SYNE3: variants seen among roughly 807,000 people sequenced by gnomAD.
The protein encoded by SYNE3 is nesprin-3.
A neutral mutation model predicts 111.2 loss-of-function variants in SYNE3; 100 were observed. The observed-to-expected ratio is 0.90, with a 90% CI of 0.77 to 1.06. The LOEUF (loss-of-function observed/expected upper bound fraction) is 1.06, where lower values mean the gene tolerates loss of function less well. SYNE3 is among the 50% of genes least tolerant of loss of function. The pLI, the probability that SYNE3 is intolerant of heterozygous loss-of-function variation, is 0.00. For synonymous variants in SYNE3, 547 were observed against 533.9 expected (o/e 1.02, Z -0.34); for missense variants, 1,160 against 1,240.3 (o/e 0.94, Z 0.97).
chr14:95,453,575 G>A (rs1168372691), intron 6 of SYNE3, among the ~76,000 whole-genome samples: 1 of 152,226 alleles, frequency 6.6e-6, no homozygotes, highest in African/African-American at 2.4e-5. Flanking sequence ...ACATAATGAC[G>A]TCTATGAAAG....
At chr14:95,490,098 G>A (rs1408273846) in intron 1 of SYNE3, among the ~76,000 whole-genome samples, 1 of 152,216 alleles carries the variant, frequency 6.6e-6, no homozygotes, top group African/African-American at 2.4e-5. Flanking sequence ...GAAGGTTGTT[G>A]TGAAGGACAA....
At chr14:95,474,757 C>T (rs1888774604) in intron 2 of SYNE3, among the ~76,000 whole-genome samples, 1 of 152,198 alleles carries the variant, frequency 6.6e-6, no homozygotes, top group African/African-American at 2.4e-5. Flanking sequence ...ATCGAGAAGA[C>T]AGCACACACA....
chr14:95,449,440 G>A, intron 8 of SYNE3: 1 of 985,452 alleles, frequency 1.0e-6, no homozygotes, highest in Non-Finnish European at 1.2e-6. Flanking sequence ...TTGTTCATGG[G>A]AGATGCACGT....
In SYNE3 at chr14:95,415,094, T is replaced by C. The variant is rs1903537683; in HGVS notation, c.*2732A>G. On this transcript the variant is annotated 3_prime_UTR_variant, in exon 18 of 18. Transcript: ENST00000682763. ...TGCATACATGCCCAGTGGCTGTTTT[T>C]TTCATGTAGTTGCTGACATGAGCGG... 2 of 152,184 alleles carry C rather than the reference T, an allele frequency of 1.3e-5. No individual in the cohort carries two copies. Among genetic ancestry groups the C allele is most frequent in the African/African-American group, 4.8e-5 (2 of 41,450 alleles). The allele number at this position is 152,184 out of a possible 1,614,324, so 9.4% of individuals were successfully genotyped here.
intron 1 of SYNE3, among the ~76,000 whole-genome samples, chr14:95,479,224 CAAAAAAA>C (rs71132351): frequency 0.019 from 1,620 of 86,270 alleles, 33 homozygotes; most frequent in African/African-American, 0.059. Flanking sequence ...TCGTCTCTAC[CAAAAAAA>C]AAAAAAAAAA....
chr14:95,483,105 G>A (rs1889352762), intron 1 of SYNE3, among the ~76,000 whole-genome samples: 1 of 152,146 alleles, frequency 6.6e-6, no homozygotes, highest in Non-Finnish European at 1.5e-5. Context: ...GAAACCAACT[G>A]AGCCCCCCAG....
intron 2 of SYNE3, among the ~76,000 whole-genome samples, chr14:95,469,936 CT>C (rs534530265): frequency 3.5e-4 from 53 of 152,074 alleles, no homozygotes; most frequent in Non-Finnish European, 6.8e-4. Flanking sequence ...CCCCTCCTAC[CT>C]TTGTTATCAA....
chr14:95,488,362 T>C (rs1889657184), intron 1 of SYNE3, among the ~76,000 whole-genome samples: 2 of 152,236 alleles, frequency 1.3e-5, no homozygotes, highest in Non-Finnish European at 2.9e-5. Flanking sequence ...TTTTTGTTAC[T>C]GAGTACTATT....
intron 1 of SYNE3, among the ~76,000 whole-genome samples, chr14:95,481,836 T>G (rs1889275670): frequency 6.6e-6 from 1 of 152,208 alleles, no homozygotes; most frequent in African/African-American, 2.4e-5. Context: ...TGCAATTTGG[T>G]CTCTGGGGGA....
intron 3 of SYNE3, among the ~76,000 whole-genome samples, chr14:95,466,565 T>C (rs1363426558): frequency 6.6e-6 from 1 of 152,152 alleles, no homozygotes; most frequent in Non-Finnish European, 1.5e-5. Context: ...TCCAGCACCT[T>C]AAATCCTGGC....
chr14:95,449,997 C>A lies in SYNE3; in HGVS notation c.1383G>T (p.Arg461=). The part of the protein sequence containing the change: ...DLQLWKALAQ[R]LLEVTASLPD... ...GCAGGCTGGCAGTGACCTCCAAGAG[C>A]CGCTGGGCCAGGGCCTTCCACAGCT... The change falls in exon 8 of 18, where the codon CGG becomes CGT. Residue 461 remains arginine (R), a synonymous_variant. Coordinates refer to ENST00000682763, the MANE Select transcript of SYNE3 (RefSeq NM_152592.6). 1 of 1,555,234 alleles carries A rather than the reference C, an allele frequency of 6.4e-7. No individual in the cohort carries two copies.
At position 95,440,058 on chromosome 14, in the gene SYNE3, A is replaced by G. The variant is rs1234106312; in HGVS notation, c.1929T>C (p.Cys643=). 27 of 1,604,714 alleles carry G rather than the reference A, an allele frequency of 1.7e-5. No homozygotes were observed. Among genetic ancestry groups the G allele is most frequent in the Middle Eastern group, 1.7e-4 (1 of 5,952 alleles). ...QRSLEDLVDR[C]RQSVQEHCTF... is the part of the protein sequence containing the mutation. ...TGCAGTGCTCCTGCACACTCTGCCGACACCTGTCCACAAGGTCCTGCAGCA... is the reference window on the plus strand; with the variant it reads ...TGCAGTGCTCCTGCACACTCTGCCGGCACCTGTCCACAAGGTCCTGCAGCA... The change falls in exon 12 of 18, where the codon TGT becomes TGC. Residue 643 remains cysteine, a synonymous_variant. Transcript: ENST00000682763.
chr14:95,430,921 C>T (rs1885726972), intron 17 of SYNE3, among the ~76,000 whole-genome samples: 1 of 152,194 alleles, frequency 6.6e-6, no homozygotes, highest in Non-Finnish European at 1.5e-5. Context: ...GGTATTGGGC[C>T]CAGAGCCCAG....
rs1184719253 is a variant in SYNE3, at chr14:95,407,339, C to CA, written c.*10486dup. Reference sequence around the variant, plus strand: ...CATTTTTAAAAACATAAAACAACAGCAAAAACGTCAAACCATCTTTTAGAA... The same window carrying CA: ...CATTTTTAAAAACATAAAACAACAGCAAAAAACGTCAAACCATCTTTTAGAA... On this transcript the variant is annotated 3_prime_UTR_variant, in exon 18 of 18. Transcript: ENST00000682763. 2.0e-5 allele frequency: 3 copies of CA among 152,216 alleles called. No individual in the cohort carries two copies. The highest frequency in any genetic ancestry group is 7.2e-5 in the African/African-American group (3 of 41,528). 9.4% of individuals were successfully genotyped at this position (152,216 alleles called of 1,614,324 possible).
intron 1 of SYNE3, among the ~76,000 whole-genome samples, 160 bp downstream of exon 1, chr14:95,516,436 C>G (rs1021738626): frequency 6.6e-6 from 1 of 152,012 alleles, no homozygotes; most frequent in Non-Finnish European, 1.5e-5. Context: ...GGGCCCCCGC[C>G]CCCGCGCCGG....
chr14:95,487,480 G>A (rs1478315844), intron 1 of SYNE3, among the ~76,000 whole-genome samples: 1 of 152,184 alleles, frequency 6.6e-6, no homozygotes, highest in Non-Finnish European at 1.5e-5. Context: ...TCCCTGAGGA[G>A]GGGTTTGTCA....
intron 1 of SYNE3, among the ~76,000 whole-genome samples, chr14:95,512,797 G>A (rs775280530): frequency 6.6e-6 from 1 of 152,044 alleles, no homozygotes; most frequent in Non-Finnish European, 1.5e-5. Context: ...GGTGGAGCTT[G>A]CAGTGATCCG....
chr14:95,491,230 T>G (rs1230471874), intron 1 of SYNE3, among the ~76,000 whole-genome samples: 1 of 152,176 alleles, frequency 6.6e-6, no homozygotes, highest in Admixed American at 6.5e-5. Flanking sequence ...ATGTGACAGT[T>G]GGACTTGTCC....
chr14:95,508,743 A>T (rs758500265), intron 1 of SYNE3, among the ~76,000 whole-genome samples: 14 of 152,240 alleles, frequency 9.2e-5, no homozygotes, highest in Non-Finnish European at 1.6e-4. Flanking sequence ...ACGCCAAGAG[A>T]TATTTGCAAG....
Sources: allele counts gnomAD v4.1 joint callset (sites outside exome capture counted in the v4.1 genomes callset), GRCh38; gene constraint gnomAD v4.1.1; transcripts MANE v1.5; gene names NCBI Gene and HGNC (gene_info 2026-07-23, HGNC 2026-07-21).